The following STK32B variants were observed in gnomAD, a reference collection of about 807,000 sequenced individuals.
STK32B encodes serine/threonine kinase 32B.
Under a neutral mutation model 52.6 loss-of-function variants are expected in STK32B, and 43 were observed. The observed-to-expected ratio is 0.82, with a 90% CI of 0.64 to 1.05. The LOEUF is 1.05. Among genes scored for constraint, STK32B ranks in the 50% least tolerant of loss-of-function variants. STK32B has a pLI of 0.00. For synonymous variants in STK32B, 238 were observed against 204.3 expected, an observed-to-expected ratio of 1.17 and a Z score of -1.41; for missense variants, 621 against 534.6, an observed-to-expected ratio of 1.16 and a Z score of -1.59.
At chr4:5,271,577 C>A (rs1014920643) in intron 3 of STK32B, among the ~76,000 whole-genome samples, 1 of 148,478 alleles carries the variant, frequency 6.7e-6, no homozygotes. Context: ...GGCATTGAAT[C>A]TGTAAATTAC....
At chr4:5,222,553 A>G (rs1723604775) in intron 3 of STK32B, among the ~76,000 whole-genome samples, 1 of 152,208 alleles carries the variant, frequency 6.6e-6, no homozygotes, top group Non-Finnish European at 1.5e-5. Flanking sequence ...AGGAAAGACA[A>G]CGTTTGTTAC....
intron 1 of STK32B, among the ~76,000 whole-genome samples, chr4:5,124,694 A>T (rs530753025): frequency 2.0e-5 from 3 of 152,334 alleles, no homozygotes; most frequent in African/African-American, 7.2e-5. Context: ...GTGTGCACAC[A>T]TGTGTACATG....
chr4:5,121,901 A>T (rs1222217448), intron 1 of STK32B, among the ~76,000 whole-genome samples: 1 of 152,234 alleles, frequency 6.6e-6, no homozygotes, highest in East Asian at 1.9e-4. Context: ...GAGGGGCCAG[A>T]AAAGTTGAGG....
At chr4:5,434,673 AC>A (rs984368566) in intron 6 of STK32B, among the ~76,000 whole-genome samples, 1 of 152,132 alleles carries the variant, frequency 6.6e-6, no homozygotes, top group Non-Finnish European at 1.5e-5. Context: ...TGGAGGTAGT[AC>A]CCACCTGACA....
chr4:5,221,433 G>C (rs1723531898), intron 3 of STK32B, among the ~76,000 whole-genome samples: 1 of 152,126 alleles, frequency 6.6e-6, no homozygotes, highest in Admixed American at 6.5e-5. Context: ...TCTGTGTAAG[G>C]CTTGGAATGA....
chr4:5,446,459 G>T (rs547368013), intron 6 of STK32B, among the ~76,000 whole-genome samples: 1 of 151,970 alleles, frequency 6.6e-6, no homozygotes, highest in African/African-American at 2.4e-5. Flanking sequence ...TCAGCTGCTC[G>T]GCAGGCTGAG....
intron 11 of STK32B, among the ~76,000 whole-genome samples, chr4:5,497,182 A>G (rs1258409300): frequency 6.6e-6 from 1 of 152,210 alleles, no homozygotes; most frequent in Non-Finnish European, 1.5e-5. Flanking sequence ...GTATTTGAAC[A>G]TGTTAGCAGC....
At chr4:5,207,397 TA>T (rs1353787389) in intron 3 of STK32B, among the ~76,000 whole-genome samples, 1 of 152,144 alleles carries the variant, frequency 6.6e-6, no homozygotes, top group Non-Finnish European at 1.5e-5. Context: ...TATAGTTTTA[TA>T]AAAAGCAGTT....
the STK32B span, among the ~76,000 whole-genome samples, chr4:5,031,404 C>G: frequency 6.6e-6 from 1 of 151,970 alleles, no homozygotes; most frequent in African/African-American, 2.4e-5. Context: ...TGAGGCCAGT[C>G]TGGGCAACAT....
chr4:5,308,874 A>C (rs1273481033), intron 3 of STK32B, among the ~76,000 whole-genome samples: 1 of 152,088 alleles, frequency 6.6e-6, no homozygotes, highest in African/African-American at 2.4e-5. Context: ...TGTTTATTAA[A>C]CTTAGTACTA....
chr4:5,198,120 A>G (rs1203779390), intron 3 of STK32B, among the ~76,000 whole-genome samples: 2 of 152,212 alleles, frequency 1.3e-5, no homozygotes, highest in East Asian at 1.9e-4. Context: ...CACAAAATCT[A>G]TATAAAGTGA....
rs1737227887 is a variant in STK32B, at chr4:5,400,553, A to G, written c.472+2309A>G. Among the ~76,000 whole-genome samples the G allele has an allele frequency of 6.6e-6, 1 of 152,164 alleles. No homozygotes were observed. The highest frequency in any genetic ancestry group is 6.5e-5 in the Admixed American group (1 of 15,272). On this transcript the variant is annotated intron_variant, in intron 5 of 11. Coordinates refer to ENST00000282908, the MANE Select transcript of STK32B (RefSeq NM_018401.3). This position sits in a 1 kb window ranked among gnomAD's most constrained non-coding sequence, Gnocchi z 6.1. ...CTGGTGGGACAGAGCGTTGAATATAATATTTCATACTGTGAGGTGAATGGC... is the reference window on the plus strand; with the variant it reads ...CTGGTGGGACAGAGCGTTGAATATAGTATTTCATACTGTGAGGTGAATGGC...
rs60300816 is a variant in STK32B at position 5,286,794 on chromosome 4, C to CTTTT, written c.261-44408_261-44405dup. ...ATGTATTTTGGTAAATACAGATGTA[C>CTTTT]TTTTTTTTTTTTTTTTTTTTTGAGA... On this transcript the variant is annotated intron_variant, in intron 3 of 11. Coordinates refer to ENST00000282908, the MANE Select transcript of STK32B (RefSeq NM_018401.3). Among the ~76,000 whole-genome samples the CTTTT allele has an allele frequency of 1.3e-3, 148 of 113,244 alleles. 3 individuals carry two copies. The highest frequency in any genetic ancestry group is 5.3e-3 in the African/African-American group (131 of 24,942). 74.3% of individuals were successfully genotyped at this position (113,244 alleles called of 152,430 possible).
intron 4 of STK32B, among the ~76,000 whole-genome samples, chr4:5,346,397 T>G (rs1240064140): frequency 6.6e-6 from 1 of 152,184 alleles, no homozygotes; most frequent in African/African-American, 2.4e-5. Flanking sequence ...TCCCACCCTC[T>G]CTGGGTCCAA....
chr4:5,304,846 C>A (rs189904347), intron 3 of STK32B, among the ~76,000 whole-genome samples: 1 of 151,916 alleles, frequency 6.6e-6, no homozygotes, highest in East Asian at 1.9e-4. Context: ...GCTTTTATTA[C>A]CTTAAGGTAT....
At chr4:5,217,998 A>G (rs943634016) in intron 3 of STK32B, among the ~76,000 whole-genome samples, 49 of 151,510 alleles carry the variant, frequency 3.2e-4, no homozygotes, top group African/African-American at 1.1e-3. Flanking sequence ...AAAAGCTGTT[A>G]TTATTATTAT....
intron 1 of STK32B, among the ~76,000 whole-genome samples, chr4:5,102,310 A>G (rs950354298): frequency 6.6e-6 from 1 of 152,146 alleles, no homozygotes; most frequent in Admixed American, 6.5e-5. Flanking sequence ...GAGGTGAACA[A>G]GCTCCTGCGT....
At chr4:5,187,532 G>A (rs1317368598) in intron 3 of STK32B, among the ~76,000 whole-genome samples, 2 of 148,692 alleles carry the variant, frequency 1.3e-5, no homozygotes, top group Admixed American at 6.7e-5. Flanking sequence ...GTCAGTACTG[G>A]GATTAAAAGC....
chr4:5,236,143 G>A (rs1209779300), intron 3 of STK32B, among the ~76,000 whole-genome samples: 2 of 152,142 alleles, frequency 1.3e-5, no homozygotes, highest in African/African-American at 2.4e-5. Flanking sequence ...TAGCTTGCAC[G>A]GGGAAAAGAC....
Sources: allele counts gnomAD v4.1 joint callset (sites outside exome capture counted in the v4.1 genomes callset), GRCh38; gene constraint gnomAD v4.1.1; non-coding constraint Gnocchi (gnomAD v3.1); transcripts MANE v1.5; gene names NCBI Gene and HGNC (gene_info 2026-07-23, HGNC 2026-07-21).